Variants in AKAIN1 observed in about 807,000 individuals in gnomAD.
AKAIN1 encodes A-kinase anchor protein inhibitor 1.
AKAIN1 carries 3 observed loss-of-function variants against 3.7 expected under a neutral mutation model. The observed-to-expected ratio is 0.82, with a 90% confidence interval of 0.37 to 2.12. The LOEUF is 2.12. AKAIN1 is among the 30% of genes most tolerant of loss of function. AKAIN1 has a pLI of 0.06. For synonymous variants in AKAIN1, 31 were observed against 30.8 expected (o/e 1.01, Z -0.02); for missense variants, 82 against 82.7 (o/e 0.99, Z 0.03).
In AKAIN1 at chr18:5,197,133, G is replaced by A. The variant is rs1034903849; in HGVS notation, c.-80C>T. 5 of 1,544,800 alleles carry A rather than the reference G, an allele frequency of 3.2e-6. No individual in the cohort carries two copies. Among genetic ancestry groups the A allele is most frequent in the African/African-American group, 2.7e-5 (2 of 72,930 alleles). On this transcript the variant is annotated 5_prime_UTR_variant, in exon 1 of 2. Coordinates refer to ENST00000434239, the MANE Select transcript of AKAIN1 (RefSeq NM_001145194.2). This position sits in a 1 kb window ranked among gnomAD's most constrained non-coding sequence, Gnocchi z 6.9. ...GGATGGGAAGAAGGCCGGACTTGGC[G>A]GGGTCCGGTGCAGGAGGGCGCGCTG... is the stretch of plus-strand genomic sequence containing the variant.
Position 5,197,238 on chromosome 18 carries a change from G to C in AKAIN1, c.-185C>G. 7.2e-7 allele frequency: 1 copy of C among 1,382,962 alleles called. No homozygotes were observed. The highest frequency in any genetic ancestry group is 9.3e-7 in the Non-Finnish European group (1 of 1,078,748). The allele number at this position is 1,382,962 out of a possible 1,614,324, so 85.7% of individuals were successfully genotyped here. ...TGGGGCCGCAGCTCCAGCCGCCGCCGCGCGCTCTGCCTCCACAATGCGGCC... is the reference window on the plus strand; with the variant it reads ...TGGGGCCGCAGCTCCAGCCGCCGCCCCGCGCTCTGCCTCCACAATGCGGCC... On this transcript the variant is annotated 5_prime_UTR_variant, in exon 1 of 2. Transcript: ENST00000434239. The surrounding 1 kb of genome is among the most constrained non-coding windows in gnomAD (Gnocchi z 6.9).
At chr18:5,149,895 G>T (rs1418647466) in intron 1 of AKAIN1, among the ~76,000 whole-genome samples, 1 of 152,014 alleles carries the variant, frequency 6.6e-6, no homozygotes, top group Non-Finnish European at 1.5e-5. Context: ...GACCAGCTTG[G>T]TCTCAAACTC....
intron 1 of AKAIN1, among the ~76,000 whole-genome samples, chr18:5,162,080 G>C (rs2071142694): frequency 6.6e-6 from 1 of 152,126 alleles, no homozygotes; most frequent in Non-Finnish European, 1.5e-5. Flanking sequence ...GGGCTAACTT[G>C]AGTCTGTATA....
intron 1 of AKAIN1, among the ~76,000 whole-genome samples, chr18:5,173,527 C>T (rs1340758182): frequency 6.6e-6 from 1 of 152,166 alleles, no homozygotes; most frequent in Non-Finnish European, 1.5e-5. Context: ...ACAGTCAAGA[C>T]AACTGGTGGG....
intron 1 of AKAIN1, among the ~76,000 whole-genome samples, chr18:5,149,578 C>A (rs180704583): frequency 3.8e-4 from 58 of 152,342 alleles, no homozygotes; most frequent in Admixed American, 3.6e-3. Flanking sequence ...CCAAGCACCT[C>A]TCCGCTTCTT....
chr18:5,190,852 C>T (rs766529231), intron 1 of AKAIN1, among the ~76,000 whole-genome samples: 1 of 152,100 alleles, frequency 6.6e-6, no homozygotes, highest in Non-Finnish European at 1.5e-5. Context: ...TTATAAGGGT[C>T]CCACCCCCAC....
At chr18:5,179,259 A>G (rs2071243554) in intron 1 of AKAIN1, among the ~76,000 whole-genome samples, 1 of 151,998 alleles carries the variant, frequency 6.6e-6, no homozygotes, top group Non-Finnish European at 1.5e-5. Flanking sequence ...GTCCATGCAT[A>G]CACATTATTT....
intron 1 of AKAIN1, among the ~76,000 whole-genome samples, chr18:5,146,783 A>G (rs1039010815): frequency 6.6e-6 from 1 of 152,220 alleles, no homozygotes; most frequent in African/African-American, 2.4e-5. Flanking sequence ...TTGTAGCATG[A>G]AATCAGCTAT....
chr18:5,181,736 T>C (rs979909483), intron 1 of AKAIN1, among the ~76,000 whole-genome samples: 2 of 152,138 alleles, frequency 1.3e-5, no homozygotes, highest in Admixed American at 6.6e-5. Context: ...AGCTAGTGAC[T>C]GCATGGTTGT....
At chr18:5,195,781 GA>G (rs1432250865) in intron 1 of AKAIN1, among the ~76,000 whole-genome samples, 1 of 152,138 alleles carries the variant, frequency 6.6e-6, no homozygotes, top group African/African-American at 2.4e-5. Flanking sequence ...AGTGTTGATT[GA>G]ATGTCCTTTG....
chr18:5,154,002 C>A (rs905191473), intron 1 of AKAIN1, among the ~76,000 whole-genome samples: 2 of 152,068 alleles, frequency 1.3e-5, no homozygotes, highest in African/African-American at 4.8e-5. Flanking sequence ...GAGGCTGGGG[C>A]GGGAGGATCA....
chr18:5,180,183 T>C (rs1229294435), intron 1 of AKAIN1, among the ~76,000 whole-genome samples: 1 of 152,178 alleles, frequency 6.6e-6, no homozygotes, highest in Non-Finnish European at 1.5e-5. Flanking sequence ...TGTCCTTCTT[T>C]ATATTAAAGT....
At chr18:5,168,179 A>C (rs1049578753) in intron 1 of AKAIN1, among the ~76,000 whole-genome samples, 13 of 152,140 alleles carry the variant, frequency 8.5e-5, no homozygotes, top group African/African-American at 3.1e-4. Flanking sequence ...CTTGATGTGA[A>C]TGAGTAGTCT....
intron 1 of AKAIN1, among the ~76,000 whole-genome samples, chr18:5,192,450 TC>T (rs2071326989): frequency 6.8e-6 from 1 of 146,056 alleles, no homozygotes. Flanking sequence ...TCTTTCTTTT[TC>T]TTTTCTTTGG....
At chr18:5,196,033 A>C (rs112736027) in intron 1 of AKAIN1, among the ~76,000 whole-genome samples, 8 of 152,212 alleles carry the variant, frequency 5.3e-5, no homozygotes, top group African/African-American at 1.9e-4. Flanking sequence ...CTTTAAAAAA[A>C]AATGCATTAC....
chr18:5,173,817 GC>G (rs1293011608), intron 1 of AKAIN1, among the ~76,000 whole-genome samples: 4 of 152,064 alleles, frequency 2.6e-5, no homozygotes, highest in Non-Finnish European at 4.4e-5. Flanking sequence ...TTGTCTCTGG[GC>G]CGTCTTTGGC....
intron 1 of AKAIN1, among the ~76,000 whole-genome samples, chr18:5,163,256 C>T (rs753908347): frequency 8.6e-5 from 13 of 152,006 alleles, no homozygotes; most frequent in Non-Finnish European, 1.8e-4. Flanking sequence ...CAAATCTGCA[C>T]TGCATTTAGA....
Position 5,197,008 on chromosome 18 carries a change from C to T in AKAIN1, c.16+30G>A. ...TCCTCTACCCTGCTCCCCTCCTAGACACTTGGTGAAAAAGCAAGGTGCGGT... is the reference window on the plus strand; with the variant it reads ...TCCTCTACCCTGCTCCCCTCCTAGATACTTGGTGAAAAAGCAAGGTGCGGT... On this transcript the variant is annotated intron_variant, in intron 1 of 1. Coordinates refer to ENST00000434239, the MANE Select transcript of AKAIN1 (RefSeq NM_001145194.2). This position sits in a 1 kb window ranked among gnomAD's most constrained non-coding sequence, Gnocchi z 6.9. 6.5e-7 allele frequency: 1 copy of T among 1,536,686 alleles called. No homozygotes were observed.
chr18:5,196,980 C>G (rs913553449), intron 1 of AKAIN1, 58 bp downstream of exon 1: 3 of 1,448,274 alleles, frequency 2.1e-6, no homozygotes, highest in Admixed American at 2.0e-5. Flanking sequence ...CCTCTCCTCT[C>G]CGTCCTCTAC....
Sources: gnomAD v4.1 joint callset for allele counts (sites outside exome capture counted in the v4.1 genomes callset) on GRCh38, gnomAD v4.1.1 for gene constraint, Gnocchi (gnomAD v3.1) non-coding constraint, MANE v1.5 for transcripts, NCBI Gene and HGNC (gene_info 2026-07-23, HGNC 2026-07-21) for gene names.